The following COX7B2 variants were observed in gnomAD, a reference collection of about 807,000 sequenced individuals.
COX7B2 encodes the protein cytochrome c oxidase subunit 7B2, mitochondrial.
For synonymous variants in COX7B2, 37 were observed against 32.1 expected (o/e 1.15, Z -0.51); for missense variants, 109 against 95.9 (o/e 1.14, Z -0.57).
chr4:46,766,412 G>A (rs1398583766), intron 2 of COX7B2, among the ~76,000 whole-genome samples: 1 of 151,986 alleles, frequency 6.6e-6, no homozygotes, highest in Non-Finnish European at 1.5e-5. Context: ...AAATGTCAGG[G>A]GAAGCAGCCG....
At chr4:46,841,335 CTGTGTG>C (rs145768502) in intron 2 of COX7B2, among the ~76,000 whole-genome samples, 308 of 139,880 alleles carry the variant, frequency 2.2e-3, no homozygotes, top group African/African-American at 2.5e-3. Context: ...CAAATGTGCT[CTGTGTG>C]TGTGTGTGTG....
At chr4:46,743,234 T>C (rs1207475244) in intron 2 of COX7B2, among the ~76,000 whole-genome samples, 1 of 152,190 alleles carries the variant, frequency 6.6e-6, no homozygotes, top group Non-Finnish European at 1.5e-5. Flanking sequence ...CTTTCAAATA[T>C]GTACAGTTCA....
intron 1 of COX7B2, among the ~76,000 whole-genome samples, chr4:46,907,796 C>A (rs1462162353): frequency 1.4e-5 from 2 of 143,858 alleles, no homozygotes; most frequent in South Asian, 4.3e-4. Flanking sequence ...ACTTCCATCT[C>A]TTGTCTCTGA....
At chr4:46,850,045 C>T (rs1393145997) in intron 1 of COX7B2, among the ~76,000 whole-genome samples, 1 of 151,530 alleles carries the variant, frequency 6.6e-6, no homozygotes, top group Non-Finnish European at 1.5e-5. Flanking sequence ...GTGGTAAATT[C>T]TAGTAAGAAT....
In COX7B2 at chr4:46,847,449, A is replaced by G. The variant is rs141195929; in HGVS notation, c.-104-2435T>C. On this transcript the variant is annotated intron_variant, in intron 1 of 2. Coordinates refer to ENST00000355591, the MANE Select transcript of COX7B2 (RefSeq NM_130902.3). The stretch of plus-strand genomic sequence containing the variant: ...CTGCAGAAAACTTGAGTAAATTTAG[A>G]AAGAAATCCTTCTGAAGTCAAGCAT... Among the ~76,000 whole-genome samples the G allele has an allele frequency of 7.7e-3, 1,177 of 152,190 alleles. 17 individuals are homozygous for G. The highest frequency in any genetic ancestry group is 0.027 in the African/African-American group (1,133 of 41,548).
intron 2 of COX7B2, among the ~76,000 whole-genome samples, chr4:46,759,283 T>G (rs576592227): frequency 1.3e-5 from 2 of 152,064 alleles, no homozygotes; most frequent in African/African-American, 4.8e-5. Context: ...GATAATGTAA[T>G]TGTTAGAGAT....
At chr4:46,763,586 C>A (rs565829493) in intron 2 of COX7B2, among the ~76,000 whole-genome samples, 1 of 152,064 alleles carries the variant, frequency 6.6e-6, no homozygotes, top group African/African-American at 2.4e-5. Flanking sequence ...TTTTTCATCA[C>A]GCTTATTTAT....
chr4:46,821,864 A>C (rs1714317641), intron 2 of COX7B2, among the ~76,000 whole-genome samples: 2 of 152,182 alleles, frequency 1.3e-5, no homozygotes, highest in South Asian at 4.1e-4. Context: ...CCAGGTGTTT[A>C]ATACAGTAGA....
Position 46,788,651 on chromosome 4 carries a change from T to C in COX7B2, c.-49-53410A>G, listed in dbSNP as rs185107991. Among the ~76,000 whole-genome samples the C allele has an allele frequency of 4.1e-3, 621 of 152,292 alleles. 4 individuals carry two copies. Among genetic ancestry groups the C allele is most frequent in the African/African-American group, 0.014 (594 of 41,566 alleles). ...ATATTTACAGATGTATATCTCCACATATAGAAATCAATTTATGTATTTGTA... is the reference window on the plus strand; with the variant it reads ...ATATTTACAGATGTATATCTCCACACATAGAAATCAATTTATGTATTTGTA... On this transcript the variant is annotated intron_variant, in intron 2 of 2. Coordinates refer to ENST00000355591, the MANE Select transcript of COX7B2 (RefSeq NM_130902.3).
At position 46,895,941 on chromosome 4, in the gene COX7B2, C is replaced by A. The variant is rs564630534; in HGVS notation, c.-105+13219G>T. Among the ~76,000 whole-genome samples, 115 of 152,240 alleles carry A rather than the reference C, an allele frequency of 7.6e-4. 2 individuals are homozygous for A. The South Asian group carries it at 0.022, about 29-fold the overall frequency. ...TTCACCACCTTTATTATCAGTTAAA[C>A]CTCAGTGTGAATACATTTCATCTCT... On this transcript the variant is annotated intron_variant, in intron 1 of 2. Coordinates refer to ENST00000355591, the MANE Select transcript of COX7B2 (RefSeq NM_130902.3).
At chr4:46,844,063 G>A (rs1716113168) in intron 2 of COX7B2, among the ~76,000 whole-genome samples, 1 of 151,904 alleles carries the variant, frequency 6.6e-6, no homozygotes, top group Non-Finnish European at 1.5e-5. Flanking sequence ...GGGTTATTTA[G>A]TTTCTACACA....
chr4:46,768,628 T>C (rs1016265819), intron 2 of COX7B2, among the ~76,000 whole-genome samples: 1 of 151,868 alleles, frequency 6.6e-6, no homozygotes, highest in African/African-American at 2.4e-5. Context: ...AGTGCCTACA[T>C]TAAGAAAAAG....
chr4:46,765,325 G>C (rs1048959429), intron 2 of COX7B2, among the ~76,000 whole-genome samples: 2 of 69,048 alleles, frequency 2.9e-5, no homozygotes, highest in African/African-American at 9.3e-5. Context: ...CATTGCAGGC[G>C]TAAGGAGAGT....
intron 2 of COX7B2, among the ~76,000 whole-genome samples, chr4:46,748,993 T>G (rs978050056): frequency 2.6e-5 from 4 of 152,128 alleles, no homozygotes; most frequent in Non-Finnish European, 4.4e-5. Context: ...TCCCAACATT[T>G]CTCCTAAAAT....
At position 46,744,738 on chromosome 4, in the gene COX7B2, A is replaced by ATT. The variant is rs773481406; in HGVS notation, c.-49-9499_-49-9498dup. On this transcript the variant is annotated intron_variant, in intron 2 of 2. Transcript: ENST00000355591. Reference sequence around the variant, plus strand: ...ACTTTTAGATATCAAAGATATTTTAATTTTTTTTTTTTTTTTTTTTGGGAG... The same window carrying ATT: ...ACTTTTAGATATCAAAGATATTTTAATTTTTTTTTTTTTTTTTTTTTTGGGAG... Among the ~76,000 whole-genome samples, 407 of 124,648 alleles carry ATT rather than the reference A, an allele frequency of 3.3e-3. 6 individuals are homozygous for ATT. The highest frequency in any genetic ancestry group is 0.01 in the African/African-American group (366 of 34,894). The allele number at this position is 124,648 out of a possible 152,430, so 81.8% of individuals were successfully genotyped here.
intron 2 of COX7B2, among the ~76,000 whole-genome samples, chr4:46,788,469 C>A (rs1435093988): frequency 6.6e-6 from 1 of 151,978 alleles, no homozygotes; most frequent in African/African-American, 2.4e-5. Context: ...TTAAAAAAAT[C>A]TATTTCAAGT....
At chr4:46,746,507 C>T (rs763763738) in intron 2 of COX7B2, among the ~76,000 whole-genome samples, 13 of 151,996 alleles carry the variant, frequency 8.6e-5, no homozygotes, top group Admixed American at 6.6e-5. Context: ...TTGAATGGGG[C>T]GGAAACAAAA....
intron 2 of COX7B2, among the ~76,000 whole-genome samples, chr4:46,823,519 T>C (rs989871266): frequency 6.6e-6 from 1 of 150,928 alleles, no homozygotes; most frequent in African/African-American, 2.4e-5. Context: ...AAATAACTTA[T>C]CAATTGAAAA....
intron 2 of COX7B2, among the ~76,000 whole-genome samples, chr4:46,737,252 A>G (rs1383832416): frequency 6.6e-6 from 1 of 152,008 alleles, no homozygotes; most frequent in African/African-American, 2.4e-5. Context: ...GGAAGTATCT[A>G]TTTCAGGCCT....
Sources: gnomAD v4.1 joint callset for allele counts (sites outside exome capture counted in the v4.1 genomes callset) on GRCh38, gnomAD v4.1.1 for gene constraint, MANE v1.5 for transcripts, NCBI Gene and HGNC (gene_info 2026-07-23, HGNC 2026-07-21) for gene names.